The following SERPINE2 variants were observed in gnomAD, a reference collection of about 807,000 sequenced individuals.
The protein encoded by SERPINE2 is glia-derived nexin.
SERPINE2 carries 14 observed loss-of-function variants against 36.3 expected under a neutral mutation model. The observed-to-expected ratio is 0.39, with a 90% CI of 0.25 to 0.60. SERPINE2 has a LOEUF of 0.60. SERPINE2 is among the 20% of genes least tolerant of loss of function. SERPINE2 has a pLI of 0.57. For missense variants in SERPINE2, 418 were observed against 499.6 expected (o/e 0.84, Z 1.56); for synonymous variants, 192 against 191.8 (o/e 1.00, Z -0.01).
At chr2:224,011,882 G>T (rs1254880295) in intron 1 of SERPINE2, among the ~76,000 whole-genome samples, 1 of 152,194 alleles carries the variant, frequency 6.6e-6, no homozygotes, top group African/African-American at 2.4e-5. Flanking sequence ...AATCTCCAAT[G>T]GAGGGGACAC....
rs1692595033 is a variant in SERPINE2 at position 224,038,348 on chromosome 2, A to C, written c.-23+751T>G. On this transcript the variant is annotated intron_variant, in intron 1 of 8. Coordinates refer to ENST00000409304, the MANE Select transcript of SERPINE2 (RefSeq NM_001136528.2). The stretch of plus-strand genomic sequence containing the variant: ...ATGTGTTTCGTTCATTAAAACACTA[A>C]AACCTTCAACAGCATCTTCCATAAT... 3 of 712,306 alleles carry C rather than the reference A, an allele frequency of 4.2e-6. No individual in the cohort carries two copies. In the South Asian group the frequency reaches 5.2e-5, roughly 12 times the overall value. The allele number at this position is 712,306 out of a possible 1,614,324, so 44.1% of individuals were successfully genotyped here.
chr2:224,000,821 T>C (rs1349619278), intron 2 of SERPINE2, among the ~76,000 whole-genome samples: 6 of 152,160 alleles, frequency 3.9e-5, no homozygotes, highest in Non-Finnish European at 8.8e-5. Context: ...CTGAGAATGA[T>C]GGTTTCCAGC....
intron 1 of SERPINE2, among the ~76,000 whole-genome samples, chr2:224,028,481 G>A (rs894853825): frequency 6.6e-5 from 10 of 152,148 alleles, no homozygotes; most frequent in Non-Finnish European, 1.0e-4. Flanking sequence ...CTGTGAGGCC[G>A]TGCATCACTG....
At chr2:223,993,223 T>C (rs1228671853) in intron 3 of SERPINE2, among the ~76,000 whole-genome samples, 4 of 152,192 alleles carry the variant, frequency 2.6e-5, no homozygotes, top group Admixed American at 6.5e-5. Context: ...TTACAAGACG[T>C]TGGGAATGGT....
intron 1 of SERPINE2, among the ~76,000 whole-genome samples, chr2:224,012,599 T>TC (rs1184272429): frequency 9.1e-5 from 4 of 43,942 alleles, no homozygotes; most frequent in East Asian, 3.6e-4. Context: ...CGAGACTCCA[T>TC]CCCAAAAAAA....
intron 1 of SERPINE2, among the ~76,000 whole-genome samples, chr2:224,014,903 C>T (rs1691747026): frequency 6.6e-6 from 1 of 152,222 alleles, no homozygotes; most frequent in Admixed American, 6.5e-5. Context: ...ACCTGCCCTC[C>T]CACCTCTCAG....
At chr2:224,009,311 G>A (rs1480273374) in intron 1 of SERPINE2, among the ~76,000 whole-genome samples, 1 of 152,074 alleles carries the variant, frequency 6.6e-6, no homozygotes, top group East Asian at 1.9e-4. Flanking sequence ...TAATCTACAG[G>A]GGCTACAGCA....
intron 1 of SERPINE2, chr2:224,038,842 G>T: frequency 3.4e-6 from 1 of 291,814 alleles, no homozygotes; most frequent in Non-Finnish European, 6.3e-6. Context: ...TGCCCTGCCC[G>T]GGTCCCGCTC....
intron 1 of SERPINE2, among the ~76,000 whole-genome samples, chr2:224,004,926 G>C (rs2118409): frequency 0.68 from 100,900 of 147,788 alleles, 34,957 homozygotes; most frequent in Non-Finnish European, 0.75. Flanking sequence ...TTTGGATTCA[G>C]AAGACATGAA....
At chr2:224,000,303 C>T (rs2106162157) in intron 2 of SERPINE2, among the ~76,000 whole-genome samples, 2 of 152,256 alleles carry the variant, frequency 1.3e-5, no homozygotes, top group South Asian at 4.2e-4. Flanking sequence ...GGGAGCCAGT[C>T]CTGCTCCCCT....
intron 4 of SERPINE2, among the ~76,000 whole-genome samples, chr2:223,990,850 T>C (rs1008928301): frequency 1.3e-5 from 2 of 152,174 alleles, no homozygotes; most frequent in Admixed American, 6.5e-5. Flanking sequence ...TGGTGGTGCA[T>C]GCCTGTGATC....
rs574209981 is a variant in SERPINE2 at position 223,983,892 on chromosome 2, C to T, written c.884+860G>A. On this transcript the variant is annotated intron_variant, in intron 5 of 8. Coordinates refer to ENST00000409304, the MANE Select transcript of SERPINE2 (RefSeq NM_001136528.2). ...ATAATGGTAAAGAACCTGTTCTTCA[C>T]CCATTGAGGCCTACGATGCCACCAT... Among the ~76,000 whole-genome samples the T allele has an allele frequency of 4.0e-5, 6 of 151,592 alleles. No homozygotes were observed. In the South Asian group the frequency reaches 1.0e-3, roughly 26 times the overall value.
At chr2:224,002,642 G>A (rs966361507) in intron 1 of SERPINE2, among the ~76,000 whole-genome samples, 71 of 147,208 alleles carry the variant, frequency 4.8e-4, no homozygotes, top group Admixed American at 1.3e-3. Flanking sequence ...ACAAGTGTGC[G>A]CCAACTCGTC....
rs114855671 is a variant in SERPINE2 at position 224,008,114 on chromosome 2, C to G, written c.-22-6192G>C. ...CCCAGCTGTAGGGACTGATCAGATT[C>G]AAGTCAATTTTCTCTTTTTGTAAGA... On this transcript the variant is annotated intron_variant, in intron 1 of 8. Transcript: ENST00000409304. 4.1e-3 allele frequency among the ~76,000 whole-genome samples: 624 copies of G among 152,306 alleles called. 3 individuals are homozygous for G. The highest frequency in any genetic ancestry group is 7.2e-3 in the Non-Finnish European group (490 of 68,028).
At chr2:224,022,959 T>TGTGAGTGCA (rs1415576003) in intron 1 of SERPINE2, among the ~76,000 whole-genome samples, 3 of 152,208 alleles carry the variant, frequency 2.0e-5, no homozygotes, top group Admixed American at 2.0e-4. Flanking sequence ...CTCTGTCCTG[T>TGTGAGTGCA]CACCCTGTGA....
At chr2:223,980,532 G>T in intron 6 of SERPINE2, 135 bp from the exon 7 acceptor site, 1 of 683,280 alleles carries the variant, frequency 1.5e-6, no homozygotes, top group Non-Finnish European at 2.6e-6. Flanking sequence ...ACCTCTGACA[G>T]TCCTGGTGTT....
intron 1 of SERPINE2, among the ~76,000 whole-genome samples, chr2:224,035,419 T>A (rs861441): frequency 1.1e-4 from 16 of 151,632 alleles, no homozygotes; most frequent in African/African-American, 3.4e-4. Context: ...GTCTCACTCT[T>A]TCACCCAGGC....
At chr2:223,985,023 C>T (rs1321677548) in intron 4 of SERPINE2, 73 bp from the exon 5 acceptor site, 20 of 1,364,166 alleles carry the variant, frequency 1.5e-5, no homozygotes, top group Middle Eastern at 1.8e-4. Context: ...TGCTGGTCAC[C>T]GGGATAGCTT....
chr2:224,005,554 C>T (rs1691391514), intron 1 of SERPINE2, among the ~76,000 whole-genome samples: 1 of 152,110 alleles, frequency 6.6e-6, no homozygotes, highest in Non-Finnish European at 1.5e-5. Flanking sequence ...CTATAAATTA[C>T]TTTAGGCCTG....
Sources: gnomAD v4.1 joint callset for allele counts (sites outside exome capture counted in the v4.1 genomes callset) on GRCh38, gnomAD v4.1.1 for gene constraint, MANE v1.5 for transcripts, NCBI Gene and HGNC (gene_info 2026-07-23, HGNC 2026-07-21) for gene names.